CFAP299: variants seen among roughly 807,000 people sequenced by gnomAD.
The protein encoded by CFAP299 is cilia and flagella associated protein 299.
Under a neutral mutation model 27.0 loss-of-function variants are expected in CFAP299, and 21 were observed. The observed-to-expected ratio is 0.78, with a 90% CI of 0.55 to 1.12. The LOEUF is 1.12. Ranked by LOEUF, CFAP299 falls within the 50% of genes most tolerant of loss-of-function variation. CFAP299 has a pLI of 0.00. For missense variants in CFAP299, 310 were observed against 276.6 expected (o/e 1.12, Z -0.86); for synonymous variants, 104 against 98.1 (o/e 1.06, Z -0.36).
At chr4:80,667,131 C>T (rs1052606825) in intron 3 of CFAP299, among the ~76,000 whole-genome samples, 4 of 152,094 alleles carry the variant, frequency 2.6e-5, no homozygotes, top group Non-Finnish European at 5.9e-5. Flanking sequence ...TTTGTTCAGC[C>T]ATTCTTTATC....
chr4:80,851,500 T>A (rs80023573), intron 3 of CFAP299, among the ~76,000 whole-genome samples: 1 of 152,140 alleles, frequency 6.6e-6, no homozygotes, highest in East Asian at 1.9e-4. Flanking sequence ...AAATACATAG[T>A]TGGAATGAAA....
rs193132085 is a variant in CFAP299, at chr4:80,943,926, C to T, written c.477-884C>T. On this transcript the variant is annotated intron_variant, in intron 4 of 5. Coordinates refer to ENST00000358105, the MANE Select transcript of CFAP299 (RefSeq NM_152770.3). ...GCTAAAAATACAAAAATTAGCTGAG[C>T]GTGGTGGCGCACACCTGTAGTCCCA... 4.1e-3 allele frequency among the ~76,000 whole-genome samples: 619 copies of T among 152,014 alleles called. 1 individual carries two copies. Among genetic ancestry groups the T allele is most frequent in the Middle Eastern group, 0.014 (4 of 294 alleles).
intron 3 of CFAP299, among the ~76,000 whole-genome samples, chr4:80,847,072 C>T (rs1731223938): frequency 6.6e-6 from 1 of 152,120 alleles, no homozygotes. Flanking sequence ...ACCTAGTTTC[C>T]TGCCTGCCAC....
At chr4:80,387,999 G>T in intron 2 of CFAP299, 1 of 720,928 alleles carries the variant, frequency 1.4e-6, no homozygotes, top group Non-Finnish European at 2.5e-6. Context: ...TCCACACACT[G>T]GTTTGGCACC....
At chr4:80,728,272 T>A (rs543903888) in intron 3 of CFAP299, among the ~76,000 whole-genome samples, 18 of 152,232 alleles carry the variant, frequency 1.2e-4, no homozygotes, top group Admixed American at 6.5e-4. Context: ...TTTTCTTAAC[T>A]TCCATATCCA....
intron 3 of CFAP299, among the ~76,000 whole-genome samples, chr4:80,744,049 G>C (rs1163593240): frequency 6.6e-6 from 1 of 152,020 alleles, no homozygotes; most frequent in Non-Finnish European, 1.5e-5. Context: ...CTATAGATTA[G>C]ATTATTTCAT....
chr4:80,387,977 T>A, intron 2 of CFAP299: 1 of 740,386 alleles, frequency 1.4e-6, no homozygotes, highest in Non-Finnish European at 2.4e-6. Context: ...GGGGGTGGGG[T>A]ATACTGGAGC....
intron 2 of CFAP299, among the ~76,000 whole-genome samples, chr4:80,460,065 G>A (rs1184261935): frequency 1.3e-5 from 2 of 152,184 alleles, no homozygotes; most frequent in Admixed American, 6.5e-5. Context: ...AGCATGGCAA[G>A]ACAAGTGATG....
chr4:80,729,344 C>G (rs1305959179), intron 3 of CFAP299, among the ~76,000 whole-genome samples: 1 of 152,162 alleles, frequency 6.6e-6, no homozygotes, highest in African/African-American at 2.4e-5. Context: ...TGATCCACAC[C>G]TCCTACTATT....
chr4:80,505,405 CTTA>C (rs1333246609), intron 2 of CFAP299, among the ~76,000 whole-genome samples: 2 of 152,030 alleles, frequency 1.3e-5, no homozygotes, highest in Non-Finnish European at 2.9e-5. Context: ...GAAATGGTGT[CTTA>C]TTATTACAAG....
At chr4:80,893,059 TA>T (rs1734423485) in intron 4 of CFAP299, among the ~76,000 whole-genome samples, 1 of 149,970 alleles carries the variant, frequency 6.7e-6, no homozygotes, top group African/African-American at 2.5e-5. Flanking sequence ...AATCAACATA[TA>T]AAAAACAGAT....
At chr4:80,534,170 AT>A (rs970101537) in intron 2 of CFAP299, among the ~76,000 whole-genome samples, 6 of 151,938 alleles carry the variant, frequency 3.9e-5, no homozygotes, top group African/African-American at 1.4e-4. Flanking sequence ...TATTTTTCTT[AT>A]TTTTTGCTTA....
At chr4:80,672,554 G>C (rs1255294207) in intron 3 of CFAP299, among the ~76,000 whole-genome samples, 1 of 152,066 alleles carries the variant, frequency 6.6e-6, no homozygotes, top group Non-Finnish European at 1.5e-5. Context: ...TTTTTCTATT[G>C]GTGGGAATAG....
intron 2 of CFAP299, among the ~76,000 whole-genome samples, chr4:80,376,183 T>C (rs1485959636): frequency 1.3e-5 from 2 of 152,212 alleles, no homozygotes; most frequent in Admixed American, 1.3e-4. Flanking sequence ...AATTATGTTG[T>C]CTTTTTTTCA....
chr4:80,854,240 T>C (rs1276295481), intron 3 of CFAP299, among the ~76,000 whole-genome samples: 1 of 152,102 alleles, frequency 6.6e-6, no homozygotes, highest in East Asian at 1.9e-4. Context: ...AAAATCAAAA[T>C]TGACCTTTGG....
At chr4:80,593,112 G>T (rs1269006272) in intron 3 of CFAP299, among the ~76,000 whole-genome samples, 2 of 152,112 alleles carry the variant, frequency 1.3e-5, no homozygotes, top group Non-Finnish European at 2.9e-5. Context: ...TCTTCACAGG[G>T]TTGTTCTGTG....
intron 2 of CFAP299, among the ~76,000 whole-genome samples, chr4:80,555,449 A>G (rs1448892283): frequency 6.6e-6 from 1 of 152,056 alleles, no homozygotes; most frequent in Non-Finnish European, 1.5e-5. Flanking sequence ...AGATACTGGC[A>G]TAAAGTCTTC....
chr4:80,669,819 CT>C (rs1741372095), intron 3 of CFAP299, among the ~76,000 whole-genome samples: 1 of 151,848 alleles, frequency 6.6e-6, no homozygotes, highest in Non-Finnish European at 1.5e-5. Flanking sequence ...ACAATGATAG[CT>C]GTGGGTTTAT....
chr4:80,381,819 C>T (rs950729319), intron 2 of CFAP299, among the ~76,000 whole-genome samples: 1 of 152,174 alleles, frequency 6.6e-6, no homozygotes, highest in African/African-American at 2.4e-5. Flanking sequence ...CTTCATAGTT[C>T]ATTATGATCT....
Sources: allele counts gnomAD v4.1 joint callset (sites outside exome capture counted in the v4.1 genomes callset), GRCh38; gene constraint gnomAD v4.1.1; transcripts MANE v1.5; gene names NCBI Gene and HGNC (gene_info 2026-07-23, HGNC 2026-07-21).